The following UTS2B variants were observed in gnomAD, a reference collection of about 807,000 sequenced individuals.
The protein encoded by UTS2B is urotensin 2B.
UTS2B carries 21 observed loss-of-function variants against 19.2 expected under a neutral mutation model. The ratio of observed to expected loss-of-function variants is 1.09; its 90% confidence interval spans 0.78 to 1.58. The LOEUF (loss-of-function observed/expected upper bound fraction) is 1.58. Among genes scored for constraint, UTS2B ranks in the 40% most tolerant of loss-of-function variants. The probability of loss-of-function intolerance (pLI) is 0.00; values close to 1 mark genes in which losing one functional copy is unlikely to be tolerated. For missense variants in UTS2B, 138 were observed against 130.3 expected (o/e 1.06, Z -0.29); for synonymous variants, 57 against 50.2 (o/e 1.14, Z -0.58).
intron 2 of UTS2B, among the ~76,000 whole-genome samples, chr3:191,318,395 T>C (rs909503833): frequency 5.9e-5 from 9 of 152,242 alleles, no homozygotes; most frequent in African/African-American, 2.2e-4. Context: ...ATAGGCCTCC[T>C]GCAGAAAAGT....
intron 3 of UTS2B, among the ~76,000 whole-genome samples, chr3:191,312,092 C>T (rs1717316890): frequency 6.6e-6 from 1 of 150,414 alleles, no homozygotes; most frequent in Non-Finnish European, 1.5e-5. Flanking sequence ...GTGGAGGTTG[C>T]AGCGAGCCGA....
intron 3 of UTS2B, among the ~76,000 whole-genome samples, chr3:191,306,148 G>A (rs547381684): frequency 1.6e-3 from 247 of 152,154 alleles, no homozygotes; most frequent in African/African-American, 5.8e-3. Context: ...GTGGCTATTC[G>A]GGCTCTTTTC....
chr3:191,299,229 A>C (rs1716930692), intron 4 of UTS2B, among the ~76,000 whole-genome samples: 1 of 152,234 alleles, frequency 6.6e-6, no homozygotes, highest in African/African-American at 2.4e-5. Context: ...TGCATAAATA[A>C]AAGGTAGGCA....
intron 8 of UTS2B, 38 bp from the exon 9 acceptor site, chr3:191,268,479 A>G (rs767241594): frequency 1.2e-5 from 18 of 1,458,296 alleles, no homozygotes; most frequent in Non-Finnish European, 1.6e-5. Flanking sequence ...TATTAGAAGT[A>G]TATTTGATAA....
intron 5 of UTS2B, among the ~76,000 whole-genome samples, chr3:191,279,989 T>A (rs148077217): frequency 2.0e-5 from 3 of 152,146 alleles, no homozygotes; most frequent in South Asian, 2.1e-4. Flanking sequence ...ATATAAAATA[T>A]CTGAGTGTAG....
At chr3:191,268,577 T>C (rs1235666953) in intron 8 of UTS2B, 136 bp from the exon 9 acceptor site, 1 of 564,848 alleles carries the variant, frequency 1.8e-6, no homozygotes, top group African/African-American at 1.9e-5. Flanking sequence ...GCTACTAGCC[T>C]CATGTGGATC....
At chr3:191,287,658 G>A (rs979670449) in intron 4 of UTS2B, among the ~76,000 whole-genome samples, 6 of 151,886 alleles carry the variant, frequency 4.0e-5, no homozygotes, top group Non-Finnish European at 8.8e-5. Context: ...TATATTCAAA[G>A]GTAAAAAGTT....
intron 8 of UTS2B, 110 bp downstream of exon 8, chr3:191,275,142 G>A (rs976880583): frequency 2.7e-6 from 2 of 741,858 alleles, no homozygotes; most frequent in African/African-American, 3.5e-5. Flanking sequence ...CCTTTATATT[G>A]GTCACCACCA....
At chr3:191,329,976 G>A (rs1717907184) in intron 1 of UTS2B, among the ~76,000 whole-genome samples, 1 of 88,376 alleles carries the variant, frequency 1.1e-5, no homozygotes, top group Non-Finnish European at 2.3e-5. Flanking sequence ...GCCCCAGCAA[G>A]TAGGTGGCTG....
At chr3:191,287,521 T>C (rs1015491893) in intron 4 of UTS2B, among the ~76,000 whole-genome samples, 1 of 152,010 alleles carries the variant, frequency 6.6e-6, no homozygotes, top group Non-Finnish European at 1.5e-5. Flanking sequence ...TTTCAACAGA[T>C]GCAGAAAAAA....
chr3:191,291,215 A>G (rs1716704025), intron 4 of UTS2B, among the ~76,000 whole-genome samples: 1 of 152,186 alleles, frequency 6.6e-6, no homozygotes, highest in African/African-American at 2.4e-5. Context: ...CTAGTTCCTT[A>G]TCAGATACAT....
At chr3:191,343,693 C>T in the UTS2B span, among the ~76,000 whole-genome samples, 3 of 152,142 alleles carry the variant, frequency 2.0e-5, no homozygotes, top group Non-Finnish European at 2.9e-5. Flanking sequence ...GAGAATGTTT[C>T]TTCAGTTGTG....
At chr3:191,274,716 C>T (rs1010838317) in intron 8 of UTS2B, among the ~76,000 whole-genome samples, 2 of 152,218 alleles carry the variant, frequency 1.3e-5, no homozygotes, top group East Asian at 3.9e-4. Flanking sequence ...TAGGAAATCT[C>T]TCATCACTAC....
the UTS2B span, among the ~76,000 whole-genome samples, chr3:191,339,847 T>C: frequency 6.6e-6 from 1 of 152,188 alleles, no homozygotes; most frequent in African/African-American, 2.4e-5. Context: ...AGGCACCAGG[T>C]TGAACAAAAG....
At chr3:191,301,219 T>C (rs565805880) in intron 4 of UTS2B, among the ~76,000 whole-genome samples, 25 of 152,142 alleles carry the variant, frequency 1.6e-4, no homozygotes, top group Non-Finnish European at 2.9e-4. Context: ...AAAAGAAAAT[T>C]TGTCTCATTC....
chr3:191,273,414 C>CA (rs2108567767), intron 8 of UTS2B: 1 of 452,034 alleles, frequency 2.2e-6, no homozygotes, highest in East Asian at 7.0e-5. Context: ...GTGGTAGTCC[C>CA]AGTGACTAAT....
intron 4 of UTS2B, among the ~76,000 whole-genome samples, chr3:191,292,632 G>A (rs1716750162): frequency 6.6e-6 from 1 of 152,016 alleles, no homozygotes; most frequent in Non-Finnish European, 1.5e-5. Context: ...TTCAATTTGG[G>A]TATCTTTTAT....
At chr3:191,297,036 C>T (rs2108590056) in intron 4 of UTS2B, among the ~76,000 whole-genome samples, 1 of 152,270 alleles carries the variant, frequency 6.6e-6, no homozygotes, top group Non-Finnish European at 1.5e-5. Flanking sequence ...ATGTCAACAT[C>T]TGTGAGAAAG....
the UTS2B span, among the ~76,000 whole-genome samples, chr3:191,342,950 TAA>T: frequency 1.3e-5 from 2 of 152,220 alleles, no homozygotes. Flanking sequence ...TAAGTACCTT[TAA>T]AATATCCTGC....
Sources: allele counts gnomAD v4.1 joint callset (sites outside exome capture counted in the v4.1 genomes callset), GRCh38; gene constraint gnomAD v4.1.1; transcripts MANE v1.5; gene names NCBI Gene and HGNC (gene_info 2026-07-23, HGNC 2026-07-21).